Variants in NCKAP5L observed in about 807,000 individuals in gnomAD.
NCKAP5L encodes the protein NCK associated protein 5 like.
NCKAP5L carries 54 observed loss-of-function variants against 103.2 expected under a neutral mutation model. The ratio of observed to expected loss-of-function variants is 0.52; its 90% CI spans 0.42 to 0.66. The LOEUF (loss-of-function observed/expected upper bound fraction) is 0.66, where lower values mean the gene tolerates loss of function less well. Ranked by LOEUF, NCKAP5L falls within the 30% of genes least tolerant of loss-of-function variation. The probability of loss-of-function intolerance (pLI) is 0.00; values close to 1 mark genes in which losing one functional copy is unlikely to be tolerated. For missense variants in NCKAP5L, 1,733 were observed against 1,750.6 expected (o/e 0.99, Z 0.18); for synonymous variants, 762 against 748.6 (o/e 1.02, Z -0.29).
rs1945981965 is a variant in NCKAP5L, at chr12:49,793,833, G to A, written c.3159C>T (p.Phe1053=). ...TCTTGGGGTCAGAAGACACCGGCTG[G>A]AAATCCCCGTACTCAGGCTTGGGCT... ...WREPKPEYGD[F]QPVSSDPKSP... Residue 1053 remains phenylalanine (F), a synonymous_variant, in exon 9 of 13, where the codon TTC becomes TTT. Coordinates refer to ENST00000335999, the MANE Select transcript of NCKAP5L (RefSeq NM_001037806.4). 6.3e-7 allele frequency: 1 copy of A among 1,588,418 alleles called. No homozygotes were observed. The highest frequency in any genetic ancestry group is 1.3e-5 in the African/African-American group (1 of 74,322).
intron 1 of NCKAP5L, among the ~76,000 whole-genome samples, chr12:49,827,969 C>T (rs1768005090): frequency 6.6e-6 from 1 of 152,128 alleles, no homozygotes; most frequent in Non-Finnish European, 1.5e-5. Context: ...GGGTGAGCAG[C>T]TGGGGCAAGG....
At chr12:49,822,026 G>A (rs77695587) in intron 1 of NCKAP5L, among the ~76,000 whole-genome samples, 6,474 of 152,210 alleles carry the variant, frequency 0.043, 465 homozygotes, top group African/African-American at 0.15. Flanking sequence ...GTGGGGCGGC[G>A]GGGCGGTGGT....
Position 49,792,310 on chromosome 12 carries a change from C to T in NCKAP5L, c.3792+136G>A. The T allele has an allele frequency of 1.3e-6, 2 of 1,524,894 alleles. No homozygotes were observed. Among genetic ancestry groups the T allele is most frequent in the Non-Finnish European group, 1.8e-6 (2 of 1,131,342 alleles). 94.5% of individuals were successfully genotyped at this position (1,524,894 alleles called of 1,614,324 possible). ...GGGGAGGGCCGCTCACAGGGCATCC[C>T]AGGGGTCCTCCTCCCAGAGGGTGCA... On this transcript the variant is annotated intron_variant, in intron 12 of 12. Transcript: ENST00000335999. The surrounding 1 kb of genome is among the most constrained non-coding windows in gnomAD (Gnocchi z 4.5).
intron 6 of NCKAP5L, among the ~76,000 whole-genome samples, chr12:49,800,493 C>T (rs1027722506): frequency 4.6e-5 from 7 of 152,368 alleles, no homozygotes; most frequent in East Asian, 3.9e-4. Flanking sequence ...GGCTTTCACC[C>T]TAGCAAAGCA....
intron 1 of NCKAP5L, among the ~76,000 whole-genome samples, chr12:49,813,945 C>T (rs1001449766): frequency 7.9e-5 from 12 of 152,014 alleles, no homozygotes; most frequent in African/African-American, 2.4e-4. Flanking sequence ...CCCACTTCAG[C>T]CTCCCAGGTA....
rs999037824 is a variant in NCKAP5L at position 49,803,925 on chromosome 12, C to T, written c.120G>A (p.Leu40=). Residue 40 remains leucine, a synonymous_variant, in exon 3 of 13, where the codon CTG becomes CTA. Coordinates refer to ENST00000335999, the MANE Select transcript of NCKAP5L (RefSeq NM_001037806.4). ...CCTACCACGCCCCATGCCGCACCTC[C>T]AGCTCCCGCAGTCGGTGCAGAAGCT... ...CQELLHRLRE[L]EAENSALAQA... 2.5e-6 allele frequency: 4 copies of T among 1,607,106 alleles called. No homozygotes were observed. The highest frequency in any genetic ancestry group is 3.4e-6 in the Non-Finnish European group (4 of 1,179,826).
At chr12:49,826,302 G>A (rs146815082) in intron 1 of NCKAP5L, among the ~76,000 whole-genome samples, 3 of 151,970 alleles carry the variant, frequency 2.0e-5, no homozygotes, top group Non-Finnish European at 4.4e-5. Flanking sequence ...TGCTTACCCT[G>A]CTGGCCCTTG....
chr12:49,805,599 G>C (rs565022055), intron 2 of NCKAP5L: 19 of 152,304 alleles, frequency 1.2e-4, no homozygotes, highest in African/African-American at 3.9e-4. Flanking sequence ...GGGGTTGGGC[G>C]TGGTGGCTTA....
chr12:49,817,240 G>T (rs1946308253), intron 1 of NCKAP5L, among the ~76,000 whole-genome samples: 1 of 151,950 alleles, frequency 6.6e-6, no homozygotes, highest in South Asian at 2.1e-4. Flanking sequence ...GCAATCTACA[G>T]ATTCAATGCA....
intron 1 of NCKAP5L, among the ~76,000 whole-genome samples, chr12:49,821,217 G>A (rs1011781126): frequency 2.0e-5 from 3 of 152,170 alleles, no homozygotes; most frequent in Admixed American, 6.5e-5. Flanking sequence ...CAGGAAGTGA[G>A]GTGCTGTCTA....
intron 1 of NCKAP5L, among the ~76,000 whole-genome samples, chr12:49,825,239 C>A (rs1324386472): frequency 6.6e-6 from 1 of 152,190 alleles, no homozygotes; most frequent in South Asian, 2.1e-4. Flanking sequence ...CATGTTCAAT[C>A]AGAAATCCCA....
At chr12:49,807,826 C>A (rs992950325) in intron 1 of NCKAP5L, among the ~76,000 whole-genome samples, 1 of 152,140 alleles carries the variant, frequency 6.6e-6, no homozygotes, top group Non-Finnish European at 1.5e-5. Flanking sequence ...TCAATCCCCT[C>A]ACCATCAGAG....
At chr12:49,825,982 G>A (rs1386204072) in intron 1 of NCKAP5L, among the ~76,000 whole-genome samples, 3 of 152,156 alleles carry the variant, frequency 2.0e-5, no homozygotes, top group Non-Finnish European at 4.4e-5. Flanking sequence ...CCCTGGGGAG[G>A]GAAGGGGCTG....
Position 49,795,256 on chromosome 12 carries a change from A to G in NCKAP5L, c.2604T>C (p.Thr868=). Residue 868 remains threonine, a synonymous_variant, in exon 8 of 13, where the codon ACT becomes ACC. Transcript: ENST00000335999. The part of the protein sequence containing the change: ...AQSTPLVPGP[T]DPSQGPEGLA... ...GCCCCTCAGGGCCCTGACTTGGGTC[A>G]GTGGGGCCAGGTACTAGGGGTGTGG... is the stretch of plus-strand genomic sequence containing the variant. 6.5e-7 allele frequency: 1 copy of G among 1,544,568 alleles called. No homozygotes were observed. The highest frequency in any genetic ancestry group is 1.3e-5 in the South Asian group (1 of 79,540).
intron 6 of NCKAP5L, among the ~76,000 whole-genome samples, chr12:49,798,933 C>T (rs1214282883): frequency 6.6e-6 from 1 of 152,124 alleles, no homozygotes; most frequent in African/African-American, 2.4e-5. Flanking sequence ...TTCTGTCTCC[C>T]CTACCTGGTC....
chr12:49,803,051 G>T (rs757948727), intron 4 of NCKAP5L, 46 bp downstream of exon 4: 1 of 1,614,144 alleles, frequency 6.2e-7, no homozygotes, highest in Middle Eastern at 1.7e-4. Context: ...CTTCTGCCAG[G>T]AGCAGATGAG....
Position 49,793,312 on chromosome 12 carries a change from G to A in NCKAP5L, c.3340+40C>T, listed in dbSNP as rs750889320. On this transcript the variant is annotated intron_variant, in intron 10 of 12. Coordinates refer to ENST00000335999, the MANE Select transcript of NCKAP5L (RefSeq NM_001037806.4). ...TAAAGTGGGAAGAAGTGGGTAGGGG[G>A]GTGGGGGCAGGCCCATCCTCAGCCC... 37 of 1,567,396 alleles carry A rather than the reference G, an allele frequency of 2.4e-5. No homozygotes were observed. In the Admixed American group the frequency reaches 5.7e-4, roughly 24 times the overall value.
chr12:49,827,845 C>A (rs1436978831), intron 1 of NCKAP5L, among the ~76,000 whole-genome samples: 1 of 152,240 alleles, frequency 6.6e-6, no homozygotes, highest in Admixed American at 6.5e-5. Flanking sequence ...GGAAGGAGTG[C>A]GAAAGGGAGC....
chr12:49,815,662 A>G (rs1946287885), intron 1 of NCKAP5L, among the ~76,000 whole-genome samples: 1 of 151,940 alleles, frequency 6.6e-6, no homozygotes, highest in Admixed American at 6.6e-5. Context: ...GTTAATTTTT[A>G]TATTTTTAGT....
Sources: gnomAD v4.1 joint callset for allele counts (sites outside exome capture counted in the v4.1 genomes callset) on GRCh38, gnomAD v4.1.1 for gene constraint, Gnocchi (gnomAD v3.1) non-coding constraint, MANE v1.5 for transcripts, NCBI Gene and HGNC (gene_info 2026-07-23, HGNC 2026-07-21) for gene names.